HMGXB3: variants seen among roughly 807,000 people sequenced by gnomAD.
HMGXB3 encodes HMG-box containing 3, also known as HMG domain-containing protein 3.
HMGXB3 carries 45 observed loss-of-function variants against 121.5 expected under a neutral mutation model. The observed-to-expected ratio is 0.37, with a 90% CI of 0.29 to 0.47. The LOEUF (loss-of-function observed/expected upper bound fraction) is 0.47. Ranked by LOEUF, HMGXB3 falls within the 20% of genes least tolerant of loss-of-function variation. HMGXB3 has a pLI of 0.99. For synonymous variants in HMGXB3, 590 were observed against 624.1 expected, an observed-to-expected ratio of 0.95 and a Z score of 0.81; for missense variants, 1,376 against 1,602.2, an observed-to-expected ratio of 0.86 and a Z score of 2.41.
At chr5:150,018,016 T>C (rs1755997678) in intron 5 of HMGXB3, among the ~76,000 whole-genome samples, 1 of 152,180 alleles carries the variant, frequency 6.6e-6, no homozygotes, top group Non-Finnish European at 1.5e-5. Context: ...TCAGTGACCA[T>C]GGATCTATTT....
chr5:150,015,019 A>G lies in HMGXB3; in HGVS notation c.909+2666A>G, dbSNP rs141293077. 281 of 590,750 alleles carry G rather than the reference A, an allele frequency of 4.8e-4. 2 individuals are homozygous for G. Among genetic ancestry groups the G allele is most frequent in the East Asian group, 4.7e-3 (137 of 29,120 alleles). 36.6% of individuals were successfully genotyped at this position (590,750 alleles called of 1,614,324 possible). ...CTCTGCGAATACCAAACCACCAATG[A>G]TTGCCCCTTTTTGGCCTAAATGTTG... On this transcript the variant is annotated intron_variant, in intron 5 of 19. Transcript: ENST00000502717.
intron 5 of HMGXB3, among the ~76,000 whole-genome samples, chr5:150,013,477 T>C (rs1338409458): frequency 6.6e-6 from 1 of 152,232 alleles, no homozygotes; most frequent in Non-Finnish European, 1.5e-5. Flanking sequence ...TTTCATTTGC[T>C]AAAAAGTTTG....
intron 13 of HMGXB3, among the ~76,000 whole-genome samples, chr5:150,039,484 T>G (rs1332627574): frequency 6.6e-6 from 1 of 152,170 alleles, no homozygotes; most frequent in Non-Finnish European, 1.5e-5. Context: ...ATAATTTTTT[T>G]AAGTTTATCA....
At chr5:150,042,049 G>C (rs896213900) in intron 15 of HMGXB3, 80 bp downstream of exon 15, 21 of 1,191,052 alleles carry the variant, frequency 1.8e-5, no homozygotes, top group East Asian at 5.2e-5. Flanking sequence ...ATATCCCCAG[G>C]GGGTGGATAG....
At chr5:150,049,296 A>G (rs1756834696) in intron 18 of HMGXB3, among the ~76,000 whole-genome samples, 1 of 152,090 alleles carries the variant, frequency 6.6e-6, no homozygotes, top group Non-Finnish European at 1.5e-5. Flanking sequence ...GACCTTTTGG[A>G]TGGTTTTGAA....
chr5:150,025,897 C>G (rs1756218001), intron 7 of HMGXB3, among the ~76,000 whole-genome samples: 1 of 151,670 alleles, frequency 6.6e-6, no homozygotes, highest in Non-Finnish European at 1.5e-5. Flanking sequence ...GTGGCGCCAT[C>G]TCGTCTCACT....
intron 16 of HMGXB3, among the ~76,000 whole-genome samples, chr5:150,046,704 CA>C (rs1756763740): frequency 6.6e-6 from 1 of 151,920 alleles, no homozygotes; most frequent in South Asian, 2.1e-4. Context: ...CCCAGCTACT[CA>C]GGAGGCTGAG....
At chr5:150,046,428 A>G (rs1427510996) in intron 16 of HMGXB3, among the ~76,000 whole-genome samples, 2 of 152,150 alleles carry the variant, frequency 1.3e-5, no homozygotes, top group South Asian at 2.1e-4. Context: ...ATCTTATTTC[A>G]TTTTTGAATT....
chr5:150,008,630 G>A (rs190275152), intron 3 of HMGXB3, among the ~76,000 whole-genome samples: 120 of 152,352 alleles, frequency 7.9e-4, no homozygotes, highest in Non-Finnish European at 1.4e-3. Flanking sequence ...CCTGTGGCAG[G>A]CTGTCCTCCT....
intron 14 of HMGXB3, 53 bp from the exon 15 acceptor site, chr5:150,041,732 T>C: frequency 2.2e-6 from 3 of 1,391,628 alleles, no homozygotes; most frequent in South Asian, 2.5e-5. Context: ...TCATCCCTAG[T>C]GGCTTCAGTG....
rs1338463489 is a variant in HMGXB3, at chr5:150,051,737, C to T, written c.3424C>T (p.Pro1142Ser). Residue 1142 changes from proline (P) to serine (S), a missense_variant, in exon 20 of 20, where the codon CCA (proline) becomes TCA (serine). This residue lies in a region of HMGXB3 where 260 missense variants were observed against 233.2 expected (regional missense o/e 1.11). Transcript: ENST00000502717. ...PTEPPVSVSC[P>S]ELLDQHYTVD... ...ATTTCTCTTCTAGAGTGTGTCCTGC[C>T]CAGAGCTCTTGGACCAGCATTATAC... The T allele has an allele frequency of 6.5e-7, 1 of 1,527,004 alleles. No homozygotes were observed. Among genetic ancestry groups the T allele is most frequent in the Non-Finnish European group, 8.8e-7 (1 of 1,137,346 alleles). 94.6% of individuals were successfully genotyped at this position (1,527,004 alleles called of 1,614,324 possible). A position where few individuals can be genotyped will look rare whatever the true frequency, so the allele number is the denominator to read the frequency against.
At chr5:150,018,893 A>G (rs1414307268) in intron 6 of HMGXB3, among the ~76,000 whole-genome samples, 196 bp downstream of exon 6, 4 of 152,214 alleles carry the variant, frequency 2.6e-5, no homozygotes, top group African/African-American at 9.7e-5. Context: ...AAACTCATAT[A>G]CCATCCAAAG....
intron 6 of HMGXB3, among the ~76,000 whole-genome samples, chr5:150,023,472 A>G (rs910489318): frequency 1.3e-5 from 2 of 152,220 alleles, no homozygotes; most frequent in Non-Finnish European, 2.9e-5. Flanking sequence ...AGTGCCCTTT[A>G]TGATATACAT....
chr5:150,010,492 A>G lies in HMGXB3; in HGVS notation c.694A>G (p.Thr232Ala), dbSNP rs1276218814. ...EVGESHQPYQ[T>A]SLVIEETLVN... ...AGGGGAGAGCCACCAACCTTACCAG[A>G]CAAGCCTGGTAATTGAAGAGACCTT... Residue 232 changes from threonine to alanine, a missense_variant, in exon 4 of 20, where the codon ACA becomes GCA. By Grantham distance (58) the Thr-to-Ala change is moderately conservative (BLOSUM62 0). Around this residue, in one of 2 missense-constraint regions of HMGXB3, gnomAD observed 1,116 missense variants for 1,369.0 expected, o/e 0.82. Coordinates refer to ENST00000502717, the MANE Select transcript of HMGXB3 (RefSeq NM_014983.3). 1.7e-5 allele frequency: 27 copies of G among 1,551,558 alleles called. No homozygotes were observed.
At chr5:150,032,790 A>T (rs1251855825) in intron 11 of HMGXB3, among the ~76,000 whole-genome samples, 187 bp downstream of exon 11, 1 of 152,170 alleles carries the variant, frequency 6.6e-6, no homozygotes, top group Non-Finnish European at 1.5e-5. Flanking sequence ...CCCCATTGCC[A>T]GGGTGAAGGG....
At chr5:150,037,310 G>A in intron 12 of HMGXB3, 90 bp from the exon 13 acceptor site, 1 of 1,263,410 alleles carries the variant, frequency 7.9e-7, no homozygotes, top group Non-Finnish European at 1.1e-6. Context: ...TCCAGCAAAT[G>A]AGAATTTGCC....
chr5:150,011,174 G>T (rs998766202), intron 4 of HMGXB3, among the ~76,000 whole-genome samples: 2 of 152,166 alleles, frequency 1.3e-5, no homozygotes, highest in African/African-American at 4.8e-5. Context: ...GGTCTTCCTG[G>T]ATTCAGATGG....
At chr5:150,049,610 G>A (rs1046066345) in intron 18 of HMGXB3, among the ~76,000 whole-genome samples, 23 of 152,184 alleles carry the variant, frequency 1.5e-4, no homozygotes, top group Admixed American at 1.1e-3. Context: ...GTGTTCATGC[G>A]ACAGGGGATC....
At chr5:150,021,013 A>C (rs915359136) in intron 6 of HMGXB3, among the ~76,000 whole-genome samples, 1 of 152,128 alleles carries the variant, frequency 6.6e-6, no homozygotes, top group Non-Finnish European at 1.5e-5. Context: ...TTGGGATTAC[A>C]TGTGTGAGCC....
Sources: gnomAD v4.1 joint callset for allele counts (sites outside exome capture counted in the v4.1 genomes callset) on GRCh38, gnomAD v4.1.1 for gene constraint, gnomAD v4.1.1 regional missense constraint, MANE v1.5 for transcripts, NCBI Gene and HGNC (gene_info 2026-07-23, HGNC 2026-07-21) for gene names.